Variants in RBM47 observed in about 807,000 individuals in gnomAD.
The protein encoded by RBM47 is RNA binding motif protein 47, also known as RNA-binding protein 47.
A neutral mutation model predicts 47.1 loss-of-function variants in RBM47; 21 were observed. The observed-to-expected ratio is 0.45, with a 90% CI of 0.32 to 0.64. RBM47 has a LOEUF of 0.64. RBM47 is among the 30% of genes least tolerant of loss of function. The pLI, the probability that RBM47 is intolerant of heterozygous loss-of-function variation, is 0.05. For synonymous variants in RBM47, 375 were observed against 361.7 expected, an observed-to-expected ratio of 1.04 and a Z score of -0.42; for missense variants, 708 against 870.9, an observed-to-expected ratio of 0.81 and a Z score of 2.35.
At chr4:40,577,274 T>C (rs1732428451) in intron 1 of RBM47, among the ~76,000 whole-genome samples, 1 of 152,156 alleles carries the variant, frequency 6.6e-6, no homozygotes, top group Admixed American at 6.5e-5. Flanking sequence ...AGCCAATGCC[T>C]GCACCCACGC....
chr4:40,600,266 G>A (rs1735126353), intron 1 of RBM47, among the ~76,000 whole-genome samples: 1 of 151,154 alleles, frequency 6.6e-6, no homozygotes, highest in Non-Finnish European at 1.5e-5. Context: ...TCCTGTCTCT[G>A]CCTCCAAAAG....
chr4:40,535,752 G>A (rs1727910844), intron 2 of RBM47, among the ~76,000 whole-genome samples: 1 of 152,070 alleles, frequency 6.6e-6, no homozygotes, highest in African/African-American at 2.4e-5. Flanking sequence ...TAGAGACTGG[G>A]TTTCACCATG....
intron 2 of RBM47, among the ~76,000 whole-genome samples, chr4:40,503,084 G>C (rs1490319083): frequency 6.6e-6 from 1 of 151,894 alleles, no homozygotes; most frequent in African/African-American, 2.4e-5. Flanking sequence ...CAGAAACAGT[G>C]ACTAAAGTCT....
intron 1 of RBM47, among the ~76,000 whole-genome samples, chr4:40,595,918 A>G (rs1560495330): frequency 1.3e-5 from 2 of 152,186 alleles, no homozygotes; most frequent in African/African-American, 4.8e-5. Flanking sequence ...TGCCAAAAAA[A>G]AAAAAAAGAG....
intron 2 of RBM47, among the ~76,000 whole-genome samples, chr4:40,516,178 C>T (rs979444324): frequency 2.0e-5 from 3 of 152,014 alleles, no homozygotes; most frequent in African/African-American, 7.2e-5. Context: ...TCCCTCTCTT[C>T]CTCTCTCCTT....
Position 40,428,193 on chromosome 4 carries a change from C to CAAACAAAACAAAACA in RBM47, c.1543-2065_1543-2051dup, listed in dbSNP as rs71196867. ...GGGCAATGGAAGTGAGACCTTGTCT[C>CAAACAAAACAAAACA]AAACAAAACAAAACAAAACAAAACA... On this transcript the variant is annotated intron_variant, in intron 6 of 6. Coordinates refer to ENST00000295971, the MANE Select transcript of RBM47 (RefSeq NM_001098634.2). Among the ~76,000 whole-genome samples the CAAACAAAACAAAACA allele has an allele frequency of 4.5e-3, 678 of 149,154 alleles. 4 individuals are homozygous for CAAACAAAACAAAACA. The highest frequency in any genetic ancestry group is 0.013 in the African/African-American group (540 of 40,328).
intron 1 of RBM47, among the ~76,000 whole-genome samples, chr4:40,600,967 A>G (rs1305146787): frequency 9.7e-6 from 1 of 103,532 alleles, no homozygotes; most frequent in Non-Finnish European, 2.0e-5. Flanking sequence ...CCTAGGCAAC[A>G]AGAGTGAAAC....
chr4:40,472,767 T>C (rs1458469869), intron 2 of RBM47, among the ~76,000 whole-genome samples: 1 of 152,162 alleles, frequency 6.6e-6, no homozygotes, highest in East Asian at 1.9e-4. Context: ...TATGGATTTT[T>C]TTTTTAAACT....
chr4:40,569,576 A>AT (rs145495489), intron 1 of RBM47, among the ~76,000 whole-genome samples: 17,432 of 150,626 alleles, frequency 0.12, 1,425 homozygotes, highest in Admixed American at 0.19. Flanking sequence ...CACCCGGCTA[A>AT]TTTTTTGTAT....
rs61008905 is a variant in RBM47 at position 40,432,203 on chromosome 4, T to TACAC, written c.1542+444_1542+447dup. ...TGTTCTTTCTCTCTCTCTCTCTCTTTACACACACACACACACACACACACA... is the reference window on the plus strand; with the variant it reads ...TGTTCTTTCTCTCTCTCTCTCTCTTTACACACACACACACACACACACACACACA... On this transcript the variant is annotated intron_variant, in intron 6 of 6. Transcript: ENST00000295971. 3.6e-3 allele frequency among the ~76,000 whole-genome samples: 535 copies of TACAC among 147,826 alleles called. 5 individuals carry two copies. The highest frequency in any genetic ancestry group is 0.012 in the African/African-American group (490 of 39,722).
In RBM47 at chr4:40,432,720, G is replaced by A. The variant is rs567159198; in HGVS notation, c.1473C>T (p.Ala491=). 26 of 1,611,408 alleles carry A rather than the reference G, an allele frequency of 1.6e-5. No homozygotes were observed. The highest frequency in any genetic ancestry group is 1.9e-4 in the Middle Eastern group (1 of 5,180). ...AVQPDPASAA[A]AAAAAAAAAA... is the part of the protein sequence containing the mutation. Reference sequence around the variant, plus strand: ...CGGCGGCTGCGGCCGCGGCTGCGGCGGCAGCAGCACTGGCTGGGTCTGGCT... The same window carrying A: ...CGGCGGCTGCGGCCGCGGCTGCGGCAGCAGCAGCACTGGCTGGGTCTGGCT... Residue 491 remains alanine (A), a synonymous_variant, in exon 6 of 7, where the codon GCC becomes GCT. Transcript: ENST00000295971.
rs181999725 is a variant in RBM47 at position 40,616,490 on chromosome 4, T to C, written c.-240+12906A>G. Among the ~76,000 whole-genome samples the C allele has an allele frequency of 1.6e-3, 251 of 152,164 alleles. 2 individuals are homozygous for C. Among genetic ancestry groups the C allele is most frequent in the African/African-American group, 5.8e-3 (240 of 41,518 alleles). On this transcript the variant is annotated intron_variant, in intron 1 of 6. Transcript: ENST00000295971. ...AATCTCTGCTTGGGAGGTTGTAGTG[T>C]GGCGCTAAAAACAAACGGATAAAGC...
intron 2 of RBM47, among the ~76,000 whole-genome samples, chr4:40,474,771 A>C (rs17625614): frequency 0.054 from 8,287 of 152,308 alleles, 484 homozygotes; most frequent in East Asian, 0.29. Context: ...CTTTTCTTTG[A>C]ACCCAAACTT....
chr4:40,432,705 GGCCGCGGCTGCGGCGGCAGCA>G lies in RBM47; in HGVS notation c.1467_1487del (p.Ala496_Ala502del). On this transcript the variant is annotated inframe_deletion, in exon 6 of 7. Coordinates refer to ENST00000295971, the MANE Select transcript of RBM47 (RefSeq NM_001098634.2). ...GAATGACAGCGGCTGCGGCGGCTGC[GGCCGCGGCTGCGGCGGCAGCA>G]GCACTGGCTGGGTCTGGCTGCACAG... 1 of 1,591,164 alleles carries G rather than the reference GGCCGCGGCTGCGGCGGCAGCA, an allele frequency of 6.3e-7. No homozygotes were observed.
intron 2 of RBM47, among the ~76,000 whole-genome samples, chr4:40,536,209 C>G (rs1727965345): frequency 6.6e-6 from 1 of 152,204 alleles, no homozygotes; most frequent in Non-Finnish European, 1.5e-5. Context: ...AAGTGAATGT[C>G]AGACATTCTA....
chr4:40,606,999 CAT>C (rs970505191), intron 1 of RBM47, among the ~76,000 whole-genome samples: 5 of 152,122 alleles, frequency 3.3e-5, no homozygotes, highest in African/African-American at 1.2e-4. Flanking sequence ...AGCCCGCAAA[CAT>C]ATGTGTTACT....
At chr4:40,589,967 C>T (rs1195943646) in intron 1 of RBM47, among the ~76,000 whole-genome samples, 2 of 151,982 alleles carry the variant, frequency 1.3e-5, no homozygotes, top group Non-Finnish European at 2.9e-5. Flanking sequence ...TCACTTTCCC[C>T]TTAACGCCTA....
At chr4:40,519,815 G>A (rs1421853692) in intron 2 of RBM47, among the ~76,000 whole-genome samples, 3 of 151,656 alleles carry the variant, frequency 2.0e-5, no homozygotes, top group East Asian at 1.9e-4. Flanking sequence ...GACAACAGGC[G>A]CCCGCCACCA....
At chr4:40,580,856 G>C (rs1732827539) in intron 1 of RBM47, among the ~76,000 whole-genome samples, 1 of 152,246 alleles carries the variant, frequency 6.6e-6, no homozygotes, top group South Asian at 2.1e-4. Context: ...GAGAGAGAAG[G>C]CCACTCTGAT....
Sources: gnomAD v4.1 joint callset for allele counts (sites outside exome capture counted in the v4.1 genomes callset) on GRCh38, gnomAD v4.1.1 for gene constraint, MANE v1.5 for transcripts, NCBI Gene and HGNC (gene_info 2026-07-23, HGNC 2026-07-21) for gene names.